The following PRKAG2 variants were observed in gnomAD, a reference collection of about 807,000 sequenced individuals.
The protein encoded by PRKAG2 is protein kinase AMP-activated non-catalytic subunit gamma 2.
A neutral mutation model predicts 69.6 loss-of-function variants in PRKAG2; 26 were observed. That is an observed-to-expected ratio of 0.37 (90% CI 0.27 to 0.52). PRKAG2 has a LOEUF of 0.52. Ranked by LOEUF, PRKAG2 falls within the 20% of genes least tolerant of loss-of-function variation. The pLI is 0.90. For synonymous variants in PRKAG2, 293 were observed against 285.0 expected, an observed-to-expected ratio of 1.03 and a Z score of -0.28; for missense variants, 557 against 740.0, an observed-to-expected ratio of 0.75 and a Z score of 2.87.
At chr7:151,681,813 C>T (rs1833929741) in intron 3 of PRKAG2, among the ~76,000 whole-genome samples, 1 of 152,118 alleles carries the variant, frequency 6.6e-6, no homozygotes, top group East Asian at 1.9e-4. Context: ...AGAGAAAGAA[C>T]ATGAAGACTT....
rs961020346 is a variant in PRKAG2, at chr7:151,756,306, C to T, written c.466+24846G>A. Among the ~76,000 whole-genome samples the T allele has an allele frequency of 3.3e-5, 5 of 152,188 alleles. No homozygotes were observed. The highest frequency in any genetic ancestry group is 4.8e-5 in the African/African-American group (2 of 41,440). On this transcript the variant is annotated intron_variant, in intron 3 of 15. Transcript: ENST00000287878. This position sits in a 1 kb window ranked among gnomAD's most constrained non-coding sequence, Gnocchi z 4.9. The stretch of plus-strand genomic sequence containing the variant: ...GTGTGGGTTCCTTTTAACGTAGGAG[C>T]CACCAGAGCTTCCCCAGGAACCTCT...
chr7:151,723,139 G>A (rs1797384062), intron 3 of PRKAG2, among the ~76,000 whole-genome samples: 1 of 152,190 alleles, frequency 6.6e-6, no homozygotes, highest in Non-Finnish European at 1.5e-5. Context: ...TGGGCTGAAT[G>A]TCAGTTTAGA....
intron 3 of PRKAG2, among the ~76,000 whole-genome samples, chr7:151,754,402 T>C (rs1334443741): frequency 6.6e-6 from 1 of 152,224 alleles, no homozygotes; most frequent in African/African-American, 2.4e-5. Flanking sequence ...GTCACGTTTT[T>C]CTGGAGTCTG....
chr7:151,580,392 G>A (rs1005395742), intron 6 of PRKAG2, among the ~76,000 whole-genome samples: 2 of 152,074 alleles, frequency 1.3e-5, no homozygotes, highest in African/African-American at 2.4e-5. Context: ...CTGAAGGAAA[G>A]ATTCTAGACC....
intron 1 of PRKAG2, among the ~76,000 whole-genome samples, chr7:151,796,312 C>T (rs115704222): frequency 0.013 from 2,023 of 152,200 alleles, 49 homozygotes; most frequent in African/African-American, 0.046. Context: ...TGCCCAGGGC[C>T]CAGTGAGACA....
chr7:151,758,576 T>C (rs769640986), intron 3 of PRKAG2, among the ~76,000 whole-genome samples: 3 of 152,166 alleles, frequency 2.0e-5, no homozygotes, highest in Non-Finnish European at 2.9e-5. Context: ...AGCAGGGAGA[T>C]CCAAGGTCCC....
chr7:151,660,474 T>C (rs1009554648), intron 4 of PRKAG2, among the ~76,000 whole-genome samples: 2 of 152,234 alleles, frequency 1.3e-5, no homozygotes, highest in Non-Finnish European at 2.9e-5. Context: ...CAATGGCTTT[T>C]GGTATATAAT....
At chr7:151,682,187 A>C (rs1377785373) in intron 3 of PRKAG2, among the ~76,000 whole-genome samples, 1 of 152,108 alleles carries the variant, frequency 6.6e-6, no homozygotes, top group East Asian at 1.9e-4. Flanking sequence ...TTTTCTTTTC[A>C]ATGTTGGTAT....
intron 3 of PRKAG2, among the ~76,000 whole-genome samples, chr7:151,760,004 A>G (rs1385117235): frequency 1.3e-5 from 2 of 152,214 alleles, no homozygotes; most frequent in African/African-American, 4.8e-5. Flanking sequence ...GTGGTGGGGT[A>G]GCACCAAGTC....
chr7:151,726,371 G>GAC lies in PRKAG2; in HGVS notation c.467-50736_467-50735dup, dbSNP rs60238080. ...GCTTACAGAATCACCAGGGAGGCAG[G>GAC]ACACACACACACACACACACACACA... On this transcript the variant is annotated intron_variant, in intron 3 of 15. Transcript: ENST00000287878. Among the ~76,000 whole-genome samples, 807 of 148,364 alleles carry GAC rather than the reference G, an allele frequency of 5.4e-3. 8 individuals carry two copies. Among genetic ancestry groups the GAC allele is most frequent in the South Asian group, 0.015 (67 of 4,442 alleles).
chr7:151,581,657 G>A (rs1810497438), intron 6 of PRKAG2, among the ~76,000 whole-genome samples: 1 of 152,166 alleles, frequency 6.6e-6, no homozygotes, highest in Non-Finnish European at 1.5e-5. Context: ...GATATTTAAT[G>A]TTTACACCTT....
chr7:151,853,532 G>A (rs977958155), intron 1 of PRKAG2, among the ~76,000 whole-genome samples: 2 of 152,148 alleles, frequency 1.3e-5, no homozygotes, highest in African/African-American at 4.8e-5. Context: ...GCCAAGGTGG[G>A]TGGATCACGA....
At chr7:151,591,254 G>A (rs1285153191) in intron 6 of PRKAG2, among the ~76,000 whole-genome samples, 15 of 152,240 alleles carry the variant, frequency 9.9e-5, no homozygotes, top group Non-Finnish European at 1.5e-5. Context: ...CCCCTAGACG[G>A]AGTCTGCTTT....
intron 1 of PRKAG2, among the ~76,000 whole-genome samples, chr7:151,791,889 C>T (rs1212907852): frequency 6.6e-6 from 1 of 152,222 alleles, no homozygotes; most frequent in Non-Finnish European, 1.5e-5. Context: ...TTGGTCCTTA[C>T]AGCAACCCAC....
chr7:151,696,376 A>G (rs890347706), intron 3 of PRKAG2, among the ~76,000 whole-genome samples: 1 of 152,204 alleles, frequency 6.6e-6, no homozygotes, highest in Non-Finnish European at 1.5e-5. Flanking sequence ...GCTCCGGGGC[A>G]GCGCAACGCC....
chr7:151,850,305 C>T lies in PRKAG2; in HGVS notation c.114+26202G>A, dbSNP rs1158403592. Reference sequence around the variant, plus strand: ...GCTTCTTGAGTGTTTAATGGAAAGACGCCTGTCCAGAAGGTTTCTCCTGGA... The same window carrying T: ...GCTTCTTGAGTGTTTAATGGAAAGATGCCTGTCCAGAAGGTTTCTCCTGGA... On this transcript the variant is annotated intron_variant, in intron 1 of 15. Coordinates refer to ENST00000287878, the MANE Select transcript of PRKAG2 (RefSeq NM_016203.4). The surrounding 1 kb of genome is among the most constrained non-coding windows in gnomAD (Gnocchi z 4.1). Among the ~76,000 whole-genome samples, 3 of 152,230 alleles carry T rather than the reference C, an allele frequency of 2.0e-5. No individual in the cohort carries two copies. Among genetic ancestry groups the T allele is most frequent in the East Asian group, 1.9e-4 (1 of 5,198 alleles).
intron 3 of PRKAG2, among the ~76,000 whole-genome samples, chr7:151,683,223 G>A (rs1302042316): frequency 6.6e-6 from 1 of 152,204 alleles, no homozygotes; most frequent in Non-Finnish European, 1.5e-5. Context: ...ACAGGGCCTG[G>A]CCCTGCTGGC....
chr7:151,693,333 A>G lies in PRKAG2; in HGVS notation c.467-17696T>C, dbSNP rs1321249307. Among the ~76,000 whole-genome samples, 2 of 152,116 alleles carry G rather than the reference A, an allele frequency of 1.3e-5. 1 individual carries two copies. The highest frequency in any genetic ancestry group is 2.9e-5 in the Non-Finnish European group (2 of 68,010). On this transcript the variant is annotated intron_variant, in intron 3 of 15. Coordinates refer to ENST00000287878, the MANE Select transcript of PRKAG2 (RefSeq NM_016203.4). ...CTCCGAGGGGCGCACGAGGGGTTCCAGGGAAAAGTGAGAAGGTGAGGCCCT... is the reference window on the plus strand; with the variant it reads ...CTCCGAGGGGCGCACGAGGGGTTCCGGGGAAAAGTGAGAAGGTGAGGCCCT...
At chr7:151,841,803 A>G (rs1297077051) in intron 1 of PRKAG2, among the ~76,000 whole-genome samples, 1 of 143,788 alleles carries the variant, frequency 7.0e-6, no homozygotes, top group East Asian at 2.2e-4. Context: ...GTAGGTAGTA[A>G]TAGTAGTGAT....
Sources: allele counts gnomAD v4.1 joint callset (sites outside exome capture counted in the v4.1 genomes callset), GRCh38; gene constraint gnomAD v4.1.1; non-coding constraint Gnocchi (gnomAD v3.1); transcripts MANE v1.5; gene names NCBI Gene and HGNC (gene_info 2026-07-23, HGNC 2026-07-21).